The following UST variants were observed in gnomAD, a reference collection of about 807,000 sequenced individuals.
The protein encoded by UST is chondroitin sulfate 2-O-sulfotransferase.
Under a neutral mutation model 45.6 loss-of-function variants are expected in UST, and 21 were observed. The ratio of observed to expected loss-of-function variants is 0.46; its 90% CI spans 0.33 to 0.66. UST has a LOEUF of 0.66. Ranked by LOEUF, UST falls within the 30% of genes least tolerant of loss-of-function variation. The probability of loss-of-function intolerance (pLI) is 0.02; values close to 1 mark genes in which losing one functional copy is unlikely to be tolerated. For missense variants in UST, 463 were observed against 512.4 expected, an observed-to-expected ratio of 0.90 and a Z score of 0.93; for synonymous variants, 215 against 200.6, an observed-to-expected ratio of 1.07 and a Z score of -0.61.
intron 1 of UST, 30 bp from the exon 2 acceptor site, chr6:148,886,956 G>A: frequency 6.3e-7 from 1 of 1,596,792 alleles, no homozygotes; most frequent in South Asian, 1.1e-5. Context: ...TTAAAAAACG[G>A]ATTCATCAAC....
Position 149,042,955 on chromosome 6 carries a change from T to TTTTTC in UST, c.937+21477_937+21478insTCTTT, listed in dbSNP as rs1554237056. Among the ~76,000 whole-genome samples, 794 of 109,146 alleles carry TTTTTC rather than the reference T, an allele frequency of 7.3e-3. 4 individuals are homozygous for TTTTTC. Among genetic ancestry groups the TTTTTC allele is most frequent in the South Asian group, 0.015 (48 of 3,150 alleles). The allele number at this position is 109,146 out of a possible 152,430, so 71.6% of individuals were successfully genotyped here. A position where few individuals can be genotyped will look rare whatever the true frequency, so the allele number is the denominator to read the frequency against. Reference sequence around the variant, plus strand: ...TCTTTCAGCTGCTCCATCACCATCCTTTTCTTTCTTTCTTTCTTTCTTTCT... The same window carrying TTTTTC: ...TCTTTCAGCTGCTCCATCACCATCCTTTTTCTTTCTTTCTTTCTTTCTTTCTTTCT... On this transcript the variant is annotated intron_variant, in intron 7 of 7. Coordinates refer to ENST00000367463, the MANE Select transcript of UST (RefSeq NM_005715.3).
rs576826367 is a variant in UST at position 148,934,224 on chromosome 6, G to C, written c.292-7055G>C. 1.3e-5 allele frequency among the ~76,000 whole-genome samples: 2 copies of C among 152,270 alleles called. No homozygotes were observed. Among genetic ancestry groups the C allele is most frequent in the African/African-American group, 4.8e-5 (2 of 41,552 alleles). The stretch of plus-strand genomic sequence containing the variant: ...CTTTAACATGAGGATTTGCTGAGTG[G>C]ATTTAAACTGCTCACAGTCCTATGG... On this transcript the variant is annotated intron_variant, in intron 2 of 7. Transcript: ENST00000367463. This position sits in a 1 kb window ranked among gnomAD's most constrained non-coding sequence, Gnocchi z 4.1.
intron 5 of UST, among the ~76,000 whole-genome samples, chr6:148,973,664 A>T (rs190167531): frequency 1.2e-3 from 189 of 152,328 alleles, no homozygotes; most frequent in African/African-American, 4.3e-3. Context: ...AGAAGTTGGC[A>T]TGCCTCTATA....
chr6:148,882,621 GAT>G (rs1394144022), intron 1 of UST, among the ~76,000 whole-genome samples: 3 of 151,666 alleles, frequency 2.0e-5, no homozygotes, highest in East Asian at 3.9e-4. Context: ...GAAGGGGAAA[GAT>G]AAGAAAATGA....
At chr6:148,832,165 A>G (rs1010787078) in intron 1 of UST, among the ~76,000 whole-genome samples, 2 of 152,158 alleles carry the variant, frequency 1.3e-5, no homozygotes, top group African/African-American at 4.8e-5. Context: ...TAATTTTTGT[A>G]TTTTTAGTAG....
chr6:149,072,427 G>A (rs1776832775), intron 7 of UST, among the ~76,000 whole-genome samples: 1 of 152,164 alleles, frequency 6.6e-6, no homozygotes, highest in African/African-American at 2.4e-5. Flanking sequence ...GCCGAGGCAG[G>A]TGGATCACCT....
At chr6:149,005,937 A>C (rs1156657602) in intron 5 of UST, among the ~76,000 whole-genome samples, 1 of 152,164 alleles carries the variant, frequency 6.6e-6, no homozygotes, top group Non-Finnish European at 1.5e-5. Flanking sequence ...AGCAGTGCAG[A>C]CCTGAGGGTG....
intron 7 of UST, among the ~76,000 whole-genome samples, chr6:149,040,092 A>G (rs1462771008): frequency 6.6e-6 from 1 of 152,200 alleles, no homozygotes; most frequent in Non-Finnish European, 1.5e-5. Flanking sequence ...ATAAAGATAA[A>G]AATTGCCACT....
chr6:149,048,184 T>G (rs542685567), intron 7 of UST, among the ~76,000 whole-genome samples: 11 of 151,964 alleles, frequency 7.2e-5, no homozygotes, highest in African/African-American at 2.4e-4. Context: ...GACTGTTTTT[T>G]GGGGGGATGG....
chr6:149,003,988 C>G (rs1218588065), intron 5 of UST, among the ~76,000 whole-genome samples: 2 of 152,298 alleles, frequency 1.3e-5, no homozygotes, highest in East Asian at 3.9e-4. Context: ...ACATTATAGA[C>G]CGAATTACAG....
intron 1 of UST, among the ~76,000 whole-genome samples, chr6:148,778,218 A>G (rs1224091730): frequency 1.3e-5 from 2 of 152,238 alleles, no homozygotes; most frequent in Non-Finnish European, 2.9e-5. Context: ...CTCCTTTCCC[A>G]TAAGGATTTC....
intron 1 of UST, among the ~76,000 whole-genome samples, chr6:148,781,100 T>A (rs538751378): frequency 2.6e-5 from 4 of 152,098 alleles, no homozygotes; most frequent in Non-Finnish European, 5.9e-5. Context: ...ATTTCTCACC[T>A]TAAATAGAAA....
chr6:148,748,605 C>G lies in UST; in HGVS notation c.247+928C>G, dbSNP rs139597377. Among the ~76,000 whole-genome samples the G allele has an allele frequency of 9.2e-3, 1,400 of 152,126 alleles. 20 individuals are homozygous for G. The highest frequency in any genetic ancestry group is 0.032 in the African/African-American group (1,333 of 41,494). On this transcript the variant is annotated intron_variant, in intron 1 of 7. Transcript: ENST00000367463. This position sits in a 1 kb window ranked among gnomAD's most constrained non-coding sequence, Gnocchi z 5.3. The stretch of plus-strand genomic sequence containing the variant: ...GTGCCAGGGACAGGCGAGCGCAAGC[C>G]CAGGTCGCAAGGACGATGCTGGCAC...
intron 7 of UST, 68 bp from the exon 8 acceptor site, chr6:149,073,765 G>T: frequency 6.4e-7 from 1 of 1,556,738 alleles, no homozygotes; most frequent in Non-Finnish European, 8.7e-7. Context: ...GGTAATGTGG[G>T]TCCTCGCCGG....
rs1015564240 is a variant in UST, at chr6:149,076,336, A to T, written c.*2220A>T. 1 of 152,220 alleles carries T rather than the reference A, an allele frequency of 6.6e-6. No homozygotes were observed. The highest frequency in any genetic ancestry group is 1.5e-5 in the Non-Finnish European group (1 of 68,036). 9.4% of individuals were successfully genotyped at this position (152,220 alleles called of 1,614,324 possible). The stretch of plus-strand genomic sequence containing the variant: ...ACACTGTGCAATCTCACAATCTGAA[A>T]ATAAAGTTGAGTTGGCTGTGTTTTC... On this transcript the variant is annotated 3_prime_UTR_variant, in exon 8 of 8. Transcript: ENST00000367463.
chr6:148,792,065 G>C (rs1450494209), intron 1 of UST, among the ~76,000 whole-genome samples: 3 of 152,216 alleles, frequency 2.0e-5, no homozygotes, highest in Non-Finnish European at 4.4e-5. Context: ...AAGTGGGTCT[G>C]AGAAGAGGGG....
At chr6:148,832,909 T>C (rs4895771) in intron 1 of UST, among the ~76,000 whole-genome samples, 25,667 of 152,240 alleles carry the variant, frequency 0.17, 2,284 homozygotes, top group South Asian at 0.25. Context: ...ATTGTATTTC[T>C]ATCTTTTCTT....
At chr6:148,863,054 G>A (rs1298586149) in intron 1 of UST, among the ~76,000 whole-genome samples, 4 of 152,150 alleles carry the variant, frequency 2.6e-5, no homozygotes, top group African/African-American at 4.8e-5. Context: ...GCCTTGCTAG[G>A]TTGGGGCAGT....
chr6:149,001,969 T>C (rs996492519), intron 5 of UST, among the ~76,000 whole-genome samples: 3 of 152,194 alleles, frequency 2.0e-5, no homozygotes, highest in African/African-American at 7.2e-5. Flanking sequence ...CAAGTTTGAA[T>C]GTTAAAAAAA....
Sources: allele counts gnomAD v4.1 joint callset (sites outside exome capture counted in the v4.1 genomes callset), GRCh38; gene constraint gnomAD v4.1.1; non-coding constraint Gnocchi (gnomAD v3.1); transcripts MANE v1.5; gene names NCBI Gene and HGNC (gene_info 2026-07-23, HGNC 2026-07-21).